TNFAIP8: variants seen among roughly 807,000 people sequenced by gnomAD.
The protein encoded by TNFAIP8 is TNF alpha induced protein 8.
Under a neutral mutation model 13.3 loss-of-function variants are expected in TNFAIP8, and 7 were observed. That is an observed-to-expected ratio of 0.52 (90% CI 0.30 to 0.99). The LOEUF (loss-of-function observed/expected upper bound fraction) is 0.99. TNFAIP8 is among the 50% of genes least tolerant of loss of function. TNFAIP8 has a pLI of 0.07. For missense variants in TNFAIP8, 258 were observed against 236.9 expected (o/e 1.09, Z -0.58); for synonymous variants, 94 against 87.6 (o/e 1.07, Z -0.41).
chr5:119,389,706 A>G (rs1314512480), intron 1 of TNFAIP8, among the ~76,000 whole-genome samples: 1 of 152,144 alleles, frequency 6.6e-6, no homozygotes, highest in Non-Finnish European at 1.5e-5. Context: ...AGAGCTTCAG[A>G]TGGTGGAGGG....
chr5:119,363,175 C>A (rs1031422919), intron 1 of TNFAIP8, among the ~76,000 whole-genome samples: 3 of 152,184 alleles, frequency 2.0e-5, no homozygotes, highest in African/African-American at 7.2e-5. Flanking sequence ...AAGGCGAGAG[C>A]CCCGTGGAGG....
chr5:119,325,958 GTT>G (rs1201528465), intron 1 of TNFAIP8, among the ~76,000 whole-genome samples: 2 of 152,154 alleles, frequency 1.3e-5, no homozygotes, highest in African/African-American at 4.8e-5. Flanking sequence ...AGAACCTCCT[GTT>G]TATTTTTGCC....
intron 1 of TNFAIP8, among the ~76,000 whole-genome samples, chr5:119,295,244 AC>A: frequency 8.8e-6 from 1 of 114,278 alleles, no homozygotes; most frequent in Non-Finnish European, 1.7e-5. Context: ...TATAGGTCTA[AC>A]GTTTAGTCTA....
intron 1 of TNFAIP8, among the ~76,000 whole-genome samples, chr5:119,315,827 G>T (rs1200455990): frequency 6.6e-6 from 1 of 152,172 alleles, no homozygotes; most frequent in Non-Finnish European, 1.5e-5. Context: ...CTTGATTGCA[G>T]TTCCTGTGTG....
chr5:119,310,361 C>A (rs1749691355), intron 1 of TNFAIP8, among the ~76,000 whole-genome samples: 1 of 151,946 alleles, frequency 6.6e-6, no homozygotes, highest in Non-Finnish European at 1.5e-5. Context: ...TCTCCTAGGA[C>A]AGTTACCCCA....
chr5:119,297,737 G>A (rs1055759654), intron 1 of TNFAIP8, among the ~76,000 whole-genome samples: 5 of 152,168 alleles, frequency 3.3e-5, no homozygotes, highest in Admixed American at 2.0e-4. Context: ...TTGTGTGGGA[G>A]TCTAAGTCTC....
At chr5:119,304,523 A>T (rs6879962) in intron 1 of TNFAIP8, among the ~76,000 whole-genome samples, 13,164 of 152,226 alleles carry the variant, frequency 0.086, 788 homozygotes, top group African/African-American at 0.17. Context: ...CCCTTCCCTG[A>T]TACCATGCAC....
At chr5:119,306,566 C>T (rs1395732031) in intron 1 of TNFAIP8, 1 of 152,172 alleles carries the variant, frequency 6.6e-6, no homozygotes, top group Non-Finnish European at 1.5e-5. Context: ...CTTCTGGGCT[C>T]AAGCGATCCT....
intron 1 of TNFAIP8, chr5:119,306,322 T>C (rs867284051): frequency 0.092 from 13,124 of 142,176 alleles, 1,001 homozygotes; most frequent in African/African-American, 0.22. Flanking sequence ...TTCTTTCTTT[T>C]TCTTTTTTTT....
At chr5:119,317,729 G>A (rs964709919) in intron 1 of TNFAIP8, among the ~76,000 whole-genome samples, 1 of 152,000 alleles carries the variant, frequency 6.6e-6, no homozygotes, top group African/African-American at 2.4e-5. Flanking sequence ...CTCCCAAGTA[G>A]CTGGGATTAT....
At chr5:119,310,946 C>G (rs1197646770) in intron 1 of TNFAIP8, among the ~76,000 whole-genome samples, 2 of 152,196 alleles carry the variant, frequency 1.3e-5, no homozygotes, top group Admixed American at 1.3e-4. Flanking sequence ...AGTTTTCAAA[C>G]AAAAGCATTA....
intron 1 of TNFAIP8, among the ~76,000 whole-genome samples, chr5:119,287,579 G>A (rs936583663): frequency 6.6e-6 from 1 of 152,064 alleles, no homozygotes; most frequent in Non-Finnish European, 1.5e-5. Flanking sequence ...CTGAAGGTTT[G>A]TATCAACAAC....
Position 119,278,807 on chromosome 5 carries a change from G to A in TNFAIP8, c.1+9900G>A, listed in dbSNP as rs113378633. ...AAAACCAAATAATAATATGGAAGGT[G>A]TTGAAAATCACATATACATAATTAC... On this transcript the variant is annotated intron_variant, in intron 1 of 1. Transcript: ENST00000274456. Among the ~76,000 whole-genome samples, 517 of 152,234 alleles carry A rather than the reference G, an allele frequency of 3.4e-3. 2 individuals carry two copies. The highest frequency in any genetic ancestry group is 0.012 in the African/African-American group (490 of 41,540).
At chr5:119,282,195 T>C (rs1748652240) in intron 1 of TNFAIP8, among the ~76,000 whole-genome samples, 1 of 152,250 alleles carries the variant, frequency 6.6e-6, no homozygotes, top group African/African-American at 2.4e-5. Context: ...AAATAATCTC[T>C]TTCTGCTCTT....
In TNFAIP8 at chr5:119,394,060, A is replaced by G. The variant is rs2112874387; in HGVS notation, c.*679A>G. On this transcript the variant is annotated 3_prime_UTR_variant, in exon 2 of 2. Transcript: ENST00000504771. ...TACCAATGATACTTAAATTTCTCAGAAATGTAATGGTGTGTCATTGCCTTG... is the reference window on the plus strand; with the variant it reads ...TACCAATGATACTTAAATTTCTCAGGAATGTAATGGTGTGTCATTGCCTTG... 6.6e-6 allele frequency: 1 copy of G among 152,330 alleles called. No homozygotes were observed. Among genetic ancestry groups the G allele is most frequent in the African/African-American group, 2.4e-5 (1 of 41,566 alleles). 9.4% of individuals were successfully genotyped at this position (152,330 alleles called of 1,614,324 possible). A position where few individuals can be genotyped will look rare whatever the true frequency, so the allele number is the denominator to read the frequency against.
chr5:119,357,632 C>G (rs1020936782), intron 1 of TNFAIP8, among the ~76,000 whole-genome samples: 3 of 151,804 alleles, frequency 2.0e-5, no homozygotes, highest in Admixed American at 6.6e-5. Context: ...GGGCCCAGCT[C>G]TCTGGTTTTA....
intron 1 of TNFAIP8, among the ~76,000 whole-genome samples, chr5:119,290,039 T>C (rs548652676): frequency 6.6e-6 from 1 of 152,384 alleles, no homozygotes; most frequent in South Asian, 2.1e-4. Flanking sequence ...TACTAAAGCA[T>C]GCAGAGTTGA....
At chr5:119,289,379 G>A (rs751470332) in intron 1 of TNFAIP8, among the ~76,000 whole-genome samples, 5 of 152,132 alleles carry the variant, frequency 3.3e-5, no homozygotes, top group Non-Finnish European at 2.9e-5. Flanking sequence ...AGTTTCACTG[G>A]ATCCCAAGAA....
chr5:119,309,455 G>A (rs1402360797), intron 1 of TNFAIP8, among the ~76,000 whole-genome samples: 2 of 152,108 alleles, frequency 1.3e-5, no homozygotes, highest in Non-Finnish European at 1.5e-5. Flanking sequence ...TGTCACAGGG[G>A]CAGCTGCCAC....
Sources: allele counts gnomAD v4.1 joint callset (sites outside exome capture counted in the v4.1 genomes callset), GRCh38; gene constraint gnomAD v4.1.1; transcripts MANE v1.5; gene names NCBI Gene and HGNC (gene_info 2026-07-23, HGNC 2026-07-21).